Variants in UNC13C observed in about 807,000 individuals in gnomAD.
UNC13C encodes the protein unc-13 homolog C.
UNC13C carries 174 observed loss-of-function variants against 245.4 expected under a neutral mutation model. The observed-to-expected ratio is 0.71, with a 90% CI of 0.63 to 0.80. The LOEUF (loss-of-function observed/expected upper bound fraction) is 0.80. Among genes scored for constraint, UNC13C ranks in the 30% least tolerant of loss-of-function variants. UNC13C has a pLI of 0.00. For synonymous variants in UNC13C, 992 were observed against 895.1 expected (o/e 1.11, Z -1.93); for missense variants, 2,829 against 2,602.9 (o/e 1.09, Z -1.89).
chr15:54,293,764 T>C (rs2037361388), intron 10 of UNC13C, 131 bp from the exon 11 acceptor site: 1 of 639,660 alleles, frequency 1.6e-6, no homozygotes, highest in Admixed American at 4.3e-5. Context: ...CATGGATAGA[T>C]GAAATGGGTT....
chr15:54,101,229 A>G (rs1237549897), intron 2 of UNC13C, among the ~76,000 whole-genome samples: 1 of 151,382 alleles, frequency 6.6e-6, no homozygotes, highest in Non-Finnish European at 1.5e-5. Context: ...CTTGATTTTT[A>G]GTTATTTGGC....
chr15:54,140,580 G>A (rs2141232266), intron 2 of UNC13C, among the ~76,000 whole-genome samples: 1 of 152,314 alleles, frequency 6.6e-6, no homozygotes, highest in South Asian at 2.1e-4. Context: ...GAGAGGTTGT[G>A]CTTCAGCTAG....
intron 18 of UNC13C, among the ~76,000 whole-genome samples, chr15:54,394,278 T>C (rs1361927867): frequency 6.6e-6 from 1 of 151,866 alleles, no homozygotes; most frequent in African/African-American, 2.4e-5. Context: ...GTCCTATTTT[T>C]GGTATACAAT....
At chr15:53,955,013 T>A in the UNC13C span, among the ~76,000 whole-genome samples, 3 of 152,170 alleles carry the variant, frequency 2.0e-5, no homozygotes, top group South Asian at 6.2e-4. Context: ...GAAATTCAAC[T>A]TGTGGCTCTA....
At chr15:54,222,182 TTTTATCCA>T (rs1275928686) in intron 4 of UNC13C, among the ~76,000 whole-genome samples, 1 of 151,930 alleles carries the variant, frequency 6.6e-6, no homozygotes, top group African/African-American at 2.4e-5. Flanking sequence ...AAATACAAGA[TTTTATCCA>T]TTCTATCCAT....
At chr15:54,553,285 T>A (rs1348947663) in intron 28 of UNC13C, among the ~76,000 whole-genome samples, 1 of 116,744 alleles carries the variant, frequency 8.6e-6, no homozygotes, top group African/African-American at 3.3e-5. Context: ...ATATAGAATA[T>A]TATATATTGT....
intron 19 of UNC13C, among the ~76,000 whole-genome samples, chr15:54,441,434 C>A (rs1327781314): frequency 6.6e-6 from 1 of 151,996 alleles, no homozygotes; most frequent in Non-Finnish European, 1.5e-5. Flanking sequence ...TTATTCTTTT[C>A]CTGATATATG....
intron 4 of UNC13C, among the ~76,000 whole-genome samples, chr15:54,194,664 T>C (rs1435309086): frequency 6.6e-6 from 1 of 152,078 alleles, no homozygotes; most frequent in African/African-American, 2.4e-5. Flanking sequence ...CTGCATTGAC[T>C]GCTGAAGTAG....
intron 17 of UNC13C, among the ~76,000 whole-genome samples, chr15:54,344,619 C>G (rs561486487): frequency 6.6e-6 from 1 of 152,090 alleles, no homozygotes; most frequent in Non-Finnish European, 1.5e-5. Flanking sequence ...AATGCTCTCT[C>G]GAGCCCTTTT....
At chr15:54,576,347 G>C (rs1262495686) in intron 30 of UNC13C, among the ~76,000 whole-genome samples, 1 of 152,170 alleles carries the variant, frequency 6.6e-6, no homozygotes, top group African/African-American at 2.4e-5. Flanking sequence ...CTTCTCCCTA[G>C]CTTTAAATAA....
At chr15:53,932,620 T>C in the UNC13C span, among the ~76,000 whole-genome samples, 5,288 of 152,294 alleles carry the variant, frequency 0.035, 149 homozygotes, top group Admixed American at 0.079. Flanking sequence ...GTTCATACTC[T>C]TCTTACCACT....
At position 54,013,819 on chromosome 15, in the gene UNC13C, C is replaced by T. The variant is rs200373355; in HGVS notation, c.916C>T (p.His306Tyr). Residue 306 changes from histidine (H) to tyrosine (Y), a missense_variant, in exon 2 of 33, where the codon CAT becomes TAT. His to Tyr is a moderately conservative substitution (Grantham distance 83, BLOSUM62 2). Coordinates refer to ENST00000260323, the MANE Select transcript of UNC13C (RefSeq NM_001080534.3). ...VQSRRETRDI[H>Y]DYIKHLGHMG... ...GTCTCGGAGGGAAACTAGAGACATC[C>T]ATGATTATATTAAGCACTTAGGTCA... 164 of 1,612,006 alleles carry T rather than the reference C, an allele frequency of 1.0e-4. No homozygotes were observed. The highest frequency in any genetic ancestry group is 1.3e-4 in the Non-Finnish European group (152 of 1,179,322).
intron 19 of UNC13C, among the ~76,000 whole-genome samples, chr15:54,464,590 A>C (rs1236463794): frequency 6.6e-6 from 1 of 152,138 alleles, no homozygotes; most frequent in East Asian, 1.9e-4. Flanking sequence ...TAGTGGTCAT[A>C]GTACAAGGAA....
rs1343614597 is a variant in UNC13C at position 53,978,899 on chromosome 15, A to G, written c.-285A>G. On this transcript the variant is annotated 5_prime_UTR_variant, in exon 1 of 33. Transcript: ENST00000260323. ...GGGAAGAACAACCCAGTTGGCGTGC[A>G]CATTTTTTTTTAAAGGAGAATTCCT... Among the ~76,000 whole-genome samples, 1 of 152,174 alleles carries G rather than the reference A, an allele frequency of 6.6e-6. No individual in the cohort carries two copies. Among genetic ancestry groups the G allele is most frequent in the Non-Finnish European group, 1.5e-5 (1 of 68,022 alleles).
At chr15:54,197,989 G>A (rs1193056906) in intron 4 of UNC13C, among the ~76,000 whole-genome samples, 1 of 152,134 alleles carries the variant, frequency 6.6e-6, no homozygotes, top group Non-Finnish European at 1.5e-5. Flanking sequence ...GGTATGATGG[G>A]AGTGAGACAG....
In UNC13C at chr15:54,064,261, A is replaced by T. The variant is rs112160699; in HGVS notation, c.2983+48375A>T. ...AGATCTATGGCTCCATGATCTTGCC[A>T]TAATTTCATTTGTTATTTCTGCCTG... is the stretch of plus-strand genomic sequence containing the variant. On this transcript the variant is annotated intron_variant, in intron 2 of 32. Coordinates refer to ENST00000260323, the MANE Select transcript of UNC13C (RefSeq NM_001080534.3). Among the ~76,000 whole-genome samples, 1,505 of 152,328 alleles carry T rather than the reference A, an allele frequency of 9.9e-3. 32 individuals are homozygous for T. Among genetic ancestry groups the T allele is most frequent in the African/African-American group, 0.035 (1,443 of 41,570 alleles).
At chr15:54,060,260 C>T (rs1242602680) in intron 2 of UNC13C, among the ~76,000 whole-genome samples, 1 of 151,992 alleles carries the variant, frequency 6.6e-6, no homozygotes, top group East Asian at 1.9e-4. Flanking sequence ...TGAACTCAAA[C>T]AAATTTAGAA....
chr15:54,309,853 A>G (rs901898437), intron 13 of UNC13C, among the ~76,000 whole-genome samples: 3 of 151,758 alleles, frequency 2.0e-5, no homozygotes, highest in Non-Finnish European at 4.4e-5. Context: ...CCATTAATCT[A>G]TGTGTCTATT....
intron 19 of UNC13C, among the ~76,000 whole-genome samples, chr15:54,417,956 G>A (rs1042453344): frequency 6.6e-6 from 1 of 152,018 alleles, no homozygotes; most frequent in Non-Finnish European, 1.5e-5. Context: ...ACGGAGTCTA[G>A]CTCTGTCACC....
Sources: allele counts gnomAD v4.1 joint callset (sites outside exome capture counted in the v4.1 genomes callset), GRCh38; gene constraint gnomAD v4.1.1; transcripts MANE v1.5; gene names NCBI Gene and HGNC (gene_info 2026-07-23, HGNC 2026-07-21).